Variants in PIBF1 observed in about 807,000 individuals in gnomAD.
PIBF1 encodes the protein progesterone-induced-blocking factor 1.
Under a neutral mutation model 112.5 loss-of-function variants are expected in PIBF1, and 90 were observed. The ratio of observed to expected loss-of-function variants is 0.80; its 90% CI spans 0.67 to 0.95. The LOEUF is 0.95. PIBF1 is among the 40% of genes least tolerant of loss of function. The pLI is 0.00. For synonymous variants in PIBF1, 301 were observed against 288.6 expected, an observed-to-expected ratio of 1.04 and a Z score of -0.44; for missense variants, 915 against 852.3, an observed-to-expected ratio of 1.07 and a Z score of -0.92.
rs565801791 is a variant in PIBF1 at position 73,015,777 on chromosome 13, A to T, written c.2224-92A>T. ...AGCAATTTTTTAGTATAGCTTACATAAAAAAACCTCAATGTATATAGTTCT... is the reference window on the plus strand; with the variant it reads ...AGCAATTTTTTAGTATAGCTTACATTAAAAAACCTCAATGTATATAGTTCT... On this transcript the variant is annotated intron_variant, in intron 17 of 17. Coordinates refer to ENST00000326291, the MANE Select transcript of PIBF1 (RefSeq NM_006346.4). 7.0e-5 allele frequency: 39 copies of T among 558,068 alleles called. No individual in the cohort carries two copies. In the South Asian group the frequency reaches 9.8e-4, roughly 14 times the overall value. 34.6% of individuals were successfully genotyped at this position (558,068 alleles called of 1,614,324 possible).
rs1318280169 is a variant in PIBF1, at chr13:72,824,724, G to A, written c.807-2286G>A. Among the ~76,000 whole-genome samples the A allele has an allele frequency of 2.6e-5, 4 of 152,182 alleles. No individual in the cohort carries two copies. The South Asian group carries it at 6.2e-4, about 24-fold the overall frequency. On this transcript the variant is annotated intron_variant, in intron 6 of 17. Coordinates refer to ENST00000326291, the MANE Select transcript of PIBF1 (RefSeq NM_006346.4). ...TTAGGGAATAGGATATTTACACAAA[G>A]CATCTCTTCACAATTACTTACTAAT...
chr13:72,833,378 G>T (rs1343308226), intron 8 of PIBF1, among the ~76,000 whole-genome samples: 2 of 152,186 alleles, frequency 1.3e-5, no homozygotes, highest in Admixed American at 6.5e-5. Context: ...CAGCCTTTTT[G>T]CACTGGTGTC....
intron 5 of PIBF1, among the ~76,000 whole-genome samples, chr13:72,820,629 T>C (rs1393730834): frequency 2.0e-5 from 3 of 152,152 alleles, no homozygotes; most frequent in Non-Finnish European, 2.9e-5. Context: ...GACAAAATCG[T>C]CTTACTCATC....
chr13:72,923,468 T>C (rs1185302624), intron 13 of PIBF1, among the ~76,000 whole-genome samples: 1 of 152,218 alleles, frequency 6.6e-6, no homozygotes, highest in Non-Finnish European at 1.5e-5. Flanking sequence ...TTCTAGCTGA[T>C]ATCAAACTTA....
intron 10 of PIBF1, among the ~76,000 whole-genome samples, chr13:72,861,127 T>C (rs2038678361): frequency 6.6e-6 from 1 of 152,110 alleles, no homozygotes; most frequent in African/African-American, 2.4e-5. Context: ...TTATGGTTTG[T>C]TTTATTTAAA....
chr13:72,794,790 G>A (rs142272673), intron 3 of PIBF1, among the ~76,000 whole-genome samples: 4 of 152,164 alleles, frequency 2.6e-5, no homozygotes, highest in Non-Finnish European at 2.9e-5. Context: ...CCAGTCTTGG[G>A]TATGTCTTTA....
intron 16 of PIBF1, among the ~76,000 whole-genome samples, chr13:72,989,084 A>G (rs1382800505): frequency 6.6e-6 from 1 of 152,176 alleles, no homozygotes; most frequent in Non-Finnish European, 1.5e-5. Context: ...ATGTGTTAAT[A>G]TATATCAGGG....
At chr13:72,835,109 A>G (rs974512751) in intron 8 of PIBF1, 134 bp from the exon 9 acceptor site, 7 of 464,408 alleles carry the variant, frequency 1.5e-5, no homozygotes, top group Non-Finnish European at 2.2e-5. Flanking sequence ...ACTTTATACT[A>G]TTAATAGTTA....
intron 10 of PIBF1, among the ~76,000 whole-genome samples, chr13:72,891,286 T>C (rs1022812200): frequency 7.9e-5 from 12 of 152,122 alleles, no homozygotes; most frequent in Admixed American, 1.3e-4. Flanking sequence ...TTTAATCTTT[T>C]AGGATAAATT....
Position 72,783,539 on chromosome 13 carries a change from A to C in PIBF1, c.70A>C (p.Ser24Arg). The change falls in exon 2 of 18, where the codon AGT (serine) becomes CGT (arginine). Residue 24 changes from serine to arginine, a missense_variant. By Grantham distance (110) the Ser-to-Arg change is moderately radical. Transcript: ENST00000326291. Reference sequence around the variant, plus strand: ...TAGTTCTCTGGAATCTGAAGATATTAGTTTAGAAACAACAGTTCCTACGGA... The same window carrying C: ...TAGTTCTCTGGAATCTGAAGATATTCGTTTAGAAACAACAGTTCCTACGGA... Reference protein sequence around the residue: ...ISSSLESEDISLETTVPTDDI... With the variant: ...ISSSLESEDIRLETTVPTDDI... 6.2e-7 allele frequency: 1 copy of C among 1,613,412 alleles called. No homozygotes were observed. Among genetic ancestry groups the C allele is most frequent in the Non-Finnish European group, 8.5e-7 (1 of 1,179,292 alleles).
At chr13:72,848,303 T>C (rs1047336447) in intron 9 of PIBF1, among the ~76,000 whole-genome samples, 2 of 152,192 alleles carry the variant, frequency 1.3e-5, no homozygotes, top group Admixed American at 1.3e-4. Context: ...TTTTCAGATA[T>C]AAATGTAGAT....
chr13:72,831,101 T>C (rs1271279561), intron 8 of PIBF1, among the ~76,000 whole-genome samples: 4 of 152,172 alleles, frequency 2.6e-5, no homozygotes, highest in Non-Finnish European at 5.9e-5. Flanking sequence ...TTCTGTGGGA[T>C]CGTTGGTGAG....
In PIBF1 at chr13:72,890,083, G is replaced by A. The variant is rs529528183; in HGVS notation, c.1323-3701G>A. 5.9e-5 allele frequency among the ~76,000 whole-genome samples: 9 copies of A among 152,248 alleles called. No homozygotes were observed. The South Asian group carries it at 1.9e-3, about 32-fold the overall frequency. The stretch of plus-strand genomic sequence containing the variant: ...TATACATGCGTGGCTTAATACATCA[G>A]AGTCTAACAAGTAAAACTTCCCCTG... On this transcript the variant is annotated intron_variant, in intron 10 of 17. Coordinates refer to ENST00000326291, the MANE Select transcript of PIBF1 (RefSeq NM_006346.4).
chr13:72,783,762 G>A (rs1200830477), intron 2 of PIBF1, 41 bp downstream of exon 2: 6 of 1,544,194 alleles, frequency 3.9e-6, no homozygotes, highest in South Asian at 1.1e-5. Context: ...ATGCTTTATT[G>A]TCTTCAAACG....
At chr13:72,833,328 T>A (rs754071696) in intron 8 of PIBF1, among the ~76,000 whole-genome samples, 3 of 152,222 alleles carry the variant, frequency 2.0e-5, no homozygotes, top group Non-Finnish European at 4.4e-5. Context: ...GGAGTTGTGA[T>A]CCTTTGGAGG....
chr13:72,815,355 C>G (rs1476731237), intron 5 of PIBF1, among the ~76,000 whole-genome samples: 1 of 152,168 alleles, frequency 6.6e-6, no homozygotes, highest in Non-Finnish European at 1.5e-5. Context: ...GTGTTGAACA[C>G]TTAAGATTTT....
intron 10 of PIBF1, among the ~76,000 whole-genome samples, chr13:72,888,669 G>A (rs1368726841): frequency 1.3e-5 from 2 of 151,462 alleles, no homozygotes; most frequent in Non-Finnish European, 2.9e-5. Context: ...CTATTATATA[G>A]CAAATGAAAA....
At chr13:72,855,797 G>C (rs910395101) in intron 10 of PIBF1, among the ~76,000 whole-genome samples, 9 of 152,086 alleles carry the variant, frequency 5.9e-5, no homozygotes, top group Admixed American at 1.3e-4. Context: ...AAAACTATAT[G>C]ATGTCCCCTA....
chr13:72,832,370 T>C (rs1256587311), intron 8 of PIBF1, among the ~76,000 whole-genome samples: 1 of 152,156 alleles, frequency 6.6e-6, no homozygotes, highest in African/African-American at 2.4e-5. Flanking sequence ...CGATGGTCTT[T>C]ACAATTTGGT....
Sources: gnomAD v4.1 joint callset for allele counts (sites outside exome capture counted in the v4.1 genomes callset) on GRCh38, gnomAD v4.1.1 for gene constraint, MANE v1.5 for transcripts, NCBI Gene and HGNC (gene_info 2026-07-23, HGNC 2026-07-21) for gene names.